Variants in CADPS2 observed in about 807,000 individuals in gnomAD.
CADPS2 encodes calcium dependent secretion activator 2.
CADPS2 carries 93 observed loss-of-function variants against 172.5 expected under a neutral mutation model. The ratio of observed to expected loss-of-function variants is 0.54; its 90% CI spans 0.46 to 0.64. The LOEUF (loss-of-function observed/expected upper bound fraction) is 0.64, where lower values mean the gene tolerates loss of function less well. CADPS2 is among the 30% of genes least tolerant of loss of function. The pLI is 0.00. For synonymous variants in CADPS2, 546 were observed against 555.2 expected, an observed-to-expected ratio of 0.98 and a Z score of 0.23; for missense variants, 1,420 against 1,565.9, an observed-to-expected ratio of 0.91 and a Z score of 1.57.
At chr7:122,557,337 C>CTA (rs1383233204) in intron 7 of CADPS2, among the ~76,000 whole-genome samples, 1 of 152,122 alleles carries the variant, frequency 6.6e-6, no homozygotes, top group African/African-American at 2.4e-5. Flanking sequence ...TCAGAACACA[C>CTA]AATACAGCTC....
intron 2 of CADPS2, among the ~76,000 whole-genome samples, chr7:122,705,723 TATCATATATTATATAATATATAA>T (rs2087005545): frequency 1.2e-4 from 2 of 16,128 alleles, no homozygotes; most frequent in Non-Finnish European, 2.6e-4. Flanking sequence ...TTATATAATA[TATCATATATTATATAATATATAA>T]TATATATAAT....
At chr7:122,638,646 G>C (rs1163694802) in intron 3 of CADPS2, among the ~76,000 whole-genome samples, 3 of 152,186 alleles carry the variant, frequency 2.0e-5, no homozygotes, top group Non-Finnish European at 2.9e-5. Flanking sequence ...CTCTGTATCA[G>C]TCTAGAGGCC....
At chr7:122,478,077 T>C (rs528217200) in intron 12 of CADPS2, among the ~76,000 whole-genome samples, 4 of 152,358 alleles carry the variant, frequency 2.6e-5, no homozygotes, top group African/African-American at 9.6e-5. Context: ...CATACCTATA[T>C]GTTACTCTTG....
chr7:122,546,795 T>C (rs1242417974), intron 8 of CADPS2, among the ~76,000 whole-genome samples: 1 of 152,140 alleles, frequency 6.6e-6, no homozygotes, highest in African/African-American at 2.4e-5. Context: ...CCTCTCCGTA[T>C]ACAGTCTAGG....
intron 1 of CADPS2, among the ~76,000 whole-genome samples, chr7:122,774,828 T>C (rs1004560161): frequency 6.6e-5 from 10 of 152,338 alleles, no homozygotes; most frequent in Middle Eastern, 3.4e-3. Context: ...TCTAACTGTT[T>C]CATGAGCACC....
intron 11 of CADPS2, among the ~76,000 whole-genome samples, chr7:122,488,993 T>C (rs78677569): frequency 0.031 from 4,685 of 152,258 alleles, 207 homozygotes; most frequent in African/African-American, 0.11. Flanking sequence ...CATCAGAATG[T>C]GCTCTTTTTA....
chr7:122,767,217 G>A (rs568543491), intron 1 of CADPS2, among the ~76,000 whole-genome samples: 2 of 152,154 alleles, frequency 1.3e-5, no homozygotes, highest in South Asian at 4.2e-4. Flanking sequence ...ACATTTACAG[G>A]ATCCTTCCTG....
chr7:122,493,457 G>A (rs931318116), intron 9 of CADPS2, among the ~76,000 whole-genome samples: 4 of 152,152 alleles, frequency 2.6e-5, no homozygotes, highest in African/African-American at 9.7e-5. Flanking sequence ...CCATGTTAGA[G>A]ACTGCTAAGT....
At chr7:122,833,096 T>C (rs187355188) in intron 1 of CADPS2, among the ~76,000 whole-genome samples, 3 of 152,324 alleles carry the variant, frequency 2.0e-5, no homozygotes, top group South Asian at 2.1e-4. Flanking sequence ...AACATCTTCA[T>C]ATTTCCTTCC....
chr7:122,673,225 A>T (rs1341168517), intron 2 of CADPS2, among the ~76,000 whole-genome samples: 2 of 152,230 alleles, frequency 1.3e-5, no homozygotes, highest in East Asian at 3.8e-4. Context: ...AAGCTTCCAC[A>T]GCGGGGAATG....
chr7:122,636,963 CCT>C (rs2077126117), intron 3 of CADPS2, among the ~76,000 whole-genome samples: 1 of 152,156 alleles, frequency 6.6e-6, no homozygotes. Context: ...TACTCTCTTT[CCT>C]CTGTCAGGAA....
intron 7 of CADPS2, among the ~76,000 whole-genome samples, chr7:122,561,636 G>A (rs1252574401): frequency 2.0e-5 from 3 of 151,992 alleles, no homozygotes; most frequent in African/African-American, 7.2e-5. Context: ...TAGTAGACAG[G>A]GTAATTCATT....
At chr7:122,697,618 A>T in intron 2 of CADPS2, 1 of 565,130 alleles carries the variant, frequency 1.8e-6, no homozygotes, top group East Asian at 3.0e-5. Context: ...GCACAAAAAA[A>T]ATCCCGCTAG....
chr7:122,373,802 G>A (rs574320121), intron 25 of CADPS2, among the ~76,000 whole-genome samples: 33 of 152,022 alleles, frequency 2.2e-4, no homozygotes, highest in Non-Finnish European at 4.1e-4. Flanking sequence ...ATTTAAAGAA[G>A]TGAATTCCAC....
At chr7:122,342,880 T>A (rs1003044280) in intron 28 of CADPS2, among the ~76,000 whole-genome samples, 1 of 152,194 alleles carries the variant, frequency 6.6e-6, no homozygotes, top group Non-Finnish European at 1.5e-5. Context: ...TTATCTGTAA[T>A]AGGCTAAGGT....
chr7:122,740,150 C>A (rs37913), intron 1 of CADPS2, among the ~76,000 whole-genome samples: 71,361 of 151,910 alleles, frequency 0.47, 18,474 homozygotes, highest in African/African-American at 0.7. Context: ...AATGGTATAG[C>A]TACTTTGTAA....
intron 1 of CADPS2, among the ~76,000 whole-genome samples, chr7:122,841,695 C>T (rs1563153424): frequency 6.6e-6 from 1 of 152,150 alleles, no homozygotes; most frequent in Non-Finnish European, 1.5e-5. Flanking sequence ...AAAATCTCCA[C>T]ACACCATTAA....
intron 3 of CADPS2, among the ~76,000 whole-genome samples, chr7:122,645,677 A>ATG (rs1342419811): frequency 1.2e-5 from 1 of 84,228 alleles, no homozygotes; most frequent in African/African-American, 4.2e-5. Flanking sequence ...ATATATATAT[A>ATG]TATATCTTGG....
chr7:122,328,511 A>G (rs1312066599), intron 28 of CADPS2: 6 of 152,200 alleles, frequency 3.9e-5, no homozygotes, highest in Admixed American at 1.3e-4. Context: ...CACAGAAGGT[A>G]TGGGAATGGC....
Sources: gnomAD v4.1 joint callset for allele counts (sites outside exome capture counted in the v4.1 genomes callset) on GRCh38, gnomAD v4.1.1 for gene constraint, MANE v1.5 for transcripts, NCBI Gene and HGNC (gene_info 2026-07-23, HGNC 2026-07-21) for gene names.